The following MYO9A variants were observed in gnomAD, a reference collection of about 807,000 sequenced individuals.
MYO9A encodes unconventional myosin-IXa.
Under a neutral mutation model 293.3 loss-of-function variants are expected in MYO9A, and 103 were observed. That is an observed-to-expected ratio of 0.35 (90% CI 0.30 to 0.41). The LOEUF is 0.41. MYO9A is among the 10% of genes least tolerant of loss of function. The pLI is 1.00. For synonymous variants in MYO9A, 1,001 were observed against 1,035.7 expected, an observed-to-expected ratio of 0.97 and a Z score of 0.64; for missense variants, 2,685 against 3,033.0, an observed-to-expected ratio of 0.89 and a Z score of 2.69.
At position 72,045,919 on chromosome 15, in the gene MYO9A, A is replaced by T. The variant is rs903133493; in HGVS notation, c.645T>A (p.Ile215=). The change falls in exon 2 of 42, where the codon ATT becomes ATA. Residue 215 remains isoleucine, a synonymous_variant. Transcript: ENST00000356056. ...NHQLGKLEPH[I]YAVADVAYHA... ...GATAAGCTACATCAGCCACAGCATA[A>T]ATGTGGGGCTCAAGTTTTCCCAGTT... 11 of 1,613,998 alleles carry T rather than the reference A, an allele frequency of 6.8e-6. No individual in the cohort carries two copies. The highest frequency in any genetic ancestry group is 9.3e-6 in the Non-Finnish European group (11 of 1,180,024).
chr15:71,898,178 T>C lies in MYO9A; in HGVS notation c.4325A>G (p.Asn1442Ser). The C allele has an allele frequency of 6.2e-7, 1 of 1,614,164 alleles. No homozygotes were observed. The highest frequency in any genetic ancestry group is 1.6e-4 in the Middle Eastern group (1 of 6,062). Residue 1442 changes from asparagine to serine, a missense_variant, in exon 25 of 42, where the codon AAC becomes AGC. By Grantham distance (46) the Asn-to-Ser change is conservative. This residue lies in a region of MYO9A where 1,434 missense variants were observed against 1,497.7 expected (regional missense o/e 0.96). Coordinates refer to ENST00000356056, the MANE Select transcript of MYO9A (RefSeq NM_006901.4). ...NSQLDTSIQR[N>S]KLLENEDTAG... ...TGTGTCTTCATTTTCCAATAGTTTG[T>C]TTCTTTGGATACTTGTGTCTAGTTG...
At chr15:71,885,780 T>C (rs1175840099) in intron 27 of MYO9A, among the ~76,000 whole-genome samples, 1 of 152,122 alleles carries the variant, frequency 6.6e-6, no homozygotes, top group Non-Finnish European at 1.5e-5. Flanking sequence ...TATCCTCCGT[T>C]TTCTCGGTTC....
chr15:71,870,663 T>C (rs919412168), intron 32 of MYO9A, among the ~76,000 whole-genome samples: 1 of 152,212 alleles, frequency 6.6e-6, no homozygotes. Context: ...CTGAAGTCCC[T>C]TATATAAAAT....
chr15:71,937,494 C>T (rs1476758308), intron 16 of MYO9A, among the ~76,000 whole-genome samples: 1 of 152,060 alleles, frequency 6.6e-6, no homozygotes, highest in East Asian at 1.9e-4. Context: ...TTTTTTTTAG[C>T]AACAAAGTAT....
intron 1 of MYO9A, among the ~76,000 whole-genome samples, chr15:72,082,697 T>C (rs376747927): frequency 9.2e-5 from 14 of 152,036 alleles, no homozygotes; most frequent in Admixed American, 5.2e-4. Context: ...TTTTGAGGTA[T>C]ATTCCTTCAA....
intron 6 of MYO9A, among the ~76,000 whole-genome samples, chr15:72,018,540 ACT>A (rs1272124533): frequency 2.6e-5 from 4 of 152,096 alleles, no homozygotes; most frequent in African/African-American, 4.8e-5. Flanking sequence ...AAGGCTACAG[ACT>A]CTGGCTACTG....
chr15:71,854,079 C>T (rs369817600), intron 35 of MYO9A, among the ~76,000 whole-genome samples: 1 of 152,266 alleles, frequency 6.6e-6, no homozygotes, highest in South Asian at 2.1e-4. Flanking sequence ...TTTAATTTCC[C>T]TATACCTTAG....
In MYO9A at chr15:71,928,598, T is replaced by G. The variant is rs28809863; in HGVS notation, c.2562+5072A>C. On this transcript the variant is annotated intron_variant, in intron 18 of 41. Coordinates refer to ENST00000356056, the MANE Select transcript of MYO9A (RefSeq NM_006901.4). ...CACAGGATATCATTTTTCATTTGTG[T>G]TGTCTTCAATTTCTTTCATCAATGT... Among the ~76,000 whole-genome samples, 859 of 152,304 alleles carry G rather than the reference T, an allele frequency of 5.6e-3. 12 individuals are homozygous for G. Among genetic ancestry groups the G allele is most frequent in the African/African-American group, 0.02 (813 of 41,568 alleles).
At chr15:71,947,054 C>T (rs765817023) in intron 15 of MYO9A, among the ~76,000 whole-genome samples, 3 of 152,076 alleles carry the variant, frequency 2.0e-5, no homozygotes, top group African/African-American at 4.8e-5. Flanking sequence ...GAGGTCAAGG[C>T]TGCAATAAGC....
chr15:71,994,606 A>C, intron 9 of MYO9A, 21 bp from the exon 10 acceptor site: 1 of 1,433,796 alleles, frequency 7.0e-7, no homozygotes, highest in Non-Finnish European at 9.6e-7. Context: ...AAAGCATTAC[A>C]AGTGCATGTA....
At chr15:72,069,822 C>T (rs186137527) in intron 1 of MYO9A, among the ~76,000 whole-genome samples, 1 of 150,520 alleles carries the variant, frequency 6.6e-6, no homozygotes. Flanking sequence ...GGGGGTGGGG[C>T]GCAGGGCCGG....
chr15:72,011,930 C>A (rs775406154), intron 6 of MYO9A, among the ~76,000 whole-genome samples: 3 of 152,082 alleles, frequency 2.0e-5, no homozygotes, highest in Non-Finnish European at 1.5e-5. Flanking sequence ...TAGGTAAATA[C>A]ATAGTCATTG....
At chr15:71,998,025 T>C (rs1181468848) in intron 9 of MYO9A, among the ~76,000 whole-genome samples, 1 of 152,164 alleles carries the variant, frequency 6.6e-6, no homozygotes, top group Non-Finnish European at 1.5e-5. Context: ...TCCACGTATA[T>C]GCTCACTGCA....
At chr15:71,874,969 A>G (rs891627164) in intron 32 of MYO9A, among the ~76,000 whole-genome samples, 4 of 152,194 alleles carry the variant, frequency 2.6e-5, no homozygotes, top group African/African-American at 7.2e-5. Context: ...TGTATCCAAC[A>G]GCACTTTGTA....
At chr15:71,951,742 A>G (rs762129299) in intron 15 of MYO9A, 35 bp downstream of exon 15, 1 of 1,612,736 alleles carries the variant, frequency 6.2e-7, no homozygotes, top group Non-Finnish European at 8.5e-7. Flanking sequence ...CCAAATGGAT[A>G]TGTGATAACA....
chr15:72,098,430 A>G (rs1567036967), intron 1 of MYO9A, among the ~76,000 whole-genome samples: 2 of 152,176 alleles, frequency 1.3e-5, no homozygotes, highest in Admixed American at 1.3e-4. Flanking sequence ...CTAACATACT[A>G]AAAATTGTCA....
At chr15:72,017,010 CTTTTTTTTTTTTTTTTT>C (rs61153023) in intron 6 of MYO9A, among the ~76,000 whole-genome samples, 3 of 58,228 alleles carry the variant, frequency 5.2e-5, no homozygotes, top group African/African-American at 6.2e-5. Flanking sequence ...GAGCCCAAAT[CTTTTTTTTTTTTTTTTT>C]TTTTTTTTTT....
At chr15:71,909,982 GATA>G (rs1198585915) in intron 19 of MYO9A, among the ~76,000 whole-genome samples, 2 of 151,096 alleles carry the variant, frequency 1.3e-5, no homozygotes, top group Non-Finnish European at 2.9e-5. Context: ...TCAAAATAAT[GATA>G]ATAATAATAC....
At chr15:72,041,305 C>A in intron 2 of MYO9A, 1 of 840,034 alleles carries the variant, frequency 1.2e-6, no homozygotes, top group Non-Finnish European at 1.9e-6. Flanking sequence ...AGTTCACTTT[C>A]TGGCAGTTTA....
Sources: gnomAD v4.1 joint callset for allele counts (sites outside exome capture counted in the v4.1 genomes callset) on GRCh38, gnomAD v4.1.1 for gene constraint, gnomAD v4.1.1 regional missense constraint, MANE v1.5 for transcripts, NCBI Gene and HGNC (gene_info 2026-07-23, HGNC 2026-07-21) for gene names.